The following SBF2 variants were observed in gnomAD, a reference collection of about 807,000 sequenced individuals.
SBF2 encodes myotubularin-related protein 13.
Under a neutral mutation model 225.2 loss-of-function variants are expected in SBF2, and 112 were observed. That is an observed-to-expected ratio of 0.50 (90% CI 0.43 to 0.58). The LOEUF (loss-of-function observed/expected upper bound fraction) is 0.58, where lower values mean the gene tolerates loss of function less well. SBF2 is among the 20% of genes least tolerant of loss of function. The pLI is 0.00. For synonymous variants in SBF2, 763 were observed against 773.3 expected, an observed-to-expected ratio of 0.99 and a Z score of 0.22; for missense variants, 1,996 against 2,206.2, an observed-to-expected ratio of 0.90 and a Z score of 1.91.
chr11:9,930,472 G>T (rs1565019366), intron 16 of SBF2, among the ~76,000 whole-genome samples: 1 of 152,216 alleles, frequency 6.6e-6, no homozygotes, highest in Non-Finnish European at 1.5e-5. Context: ...TAGAGGCAGG[G>T]TGTTGAGAAG....
At chr11:10,022,455 A>G (rs1267309180) in intron 6 of SBF2, among the ~76,000 whole-genome samples, 1 of 152,158 alleles carries the variant, frequency 6.6e-6, no homozygotes, top group East Asian at 1.9e-4. Context: ...AGTTAAAAAA[A>G]TCTTTTTATT....
chr11:10,127,325 T>C (rs1427031122), intron 2 of SBF2, among the ~76,000 whole-genome samples: 1 of 152,150 alleles, frequency 6.6e-6, no homozygotes, highest in Non-Finnish European at 1.5e-5. Context: ...ACTGACAAAG[T>C]GTCTGGCTCT....
chr11:9,785,082 G>T, intron 37 of SBF2, 43 bp downstream of exon 37: 1 of 1,580,650 alleles, frequency 6.3e-7, no homozygotes, highest in African/African-American at 1.3e-5. Context: ...CTCAGGTGCT[G>T]TGGGGAAGTC....
chr11:10,246,649 CAT>C (rs1959824877), intron 1 of SBF2, among the ~76,000 whole-genome samples: 1 of 152,178 alleles, frequency 6.6e-6, no homozygotes, highest in Non-Finnish European at 1.5e-5. Context: ...AAAAGACAAG[CAT>C]ATGTCAATAA....
At chr11:9,821,557 T>G (rs1057223659) in intron 28 of SBF2, among the ~76,000 whole-genome samples, 13 of 152,204 alleles carry the variant, frequency 8.5e-5, no homozygotes, top group African/African-American at 2.9e-4. Context: ...GAGGTCTACT[T>G]AGATTTCCTG....
intron 2 of SBF2, among the ~76,000 whole-genome samples, chr11:10,160,869 G>A (rs1341700128): frequency 2.6e-5 from 4 of 151,910 alleles, no homozygotes; most frequent in African/African-American, 4.8e-5. Context: ...AAAACTACAC[G>A]TGTACCACTT....
Position 9,989,489 on chromosome 11 carries a change from T to C in SBF2, c.1395+8A>G, listed in dbSNP as rs561123930. ...TTAATGACTGTCTAAATAAATATACTTACTTACATTTTTGAATAGTTGCTC... is the reference window on the plus strand; with the variant it reads ...TTAATGACTGTCTAAATAAATATACCTACTTACATTTTTGAATAGTTGCTC... On this transcript the variant is annotated splice_region_variant and intron_variant, in intron 13 of 39. Transcript: ENST00000256190. 23 of 1,482,038 alleles carry C rather than the reference T, an allele frequency of 1.6e-5. No homozygotes were observed. In the South Asian group the frequency reaches 2.5e-4, roughly 16 times the overall value. The allele number at this position is 1,482,038 out of a possible 1,614,324, so 91.8% of individuals were successfully genotyped here.
At chr11:10,218,152 G>A (rs923252619) in intron 1 of SBF2, among the ~76,000 whole-genome samples, 19 of 151,980 alleles carry the variant, frequency 1.3e-4, no homozygotes, top group Non-Finnish European at 1.8e-4. Flanking sequence ...CACCTGCCTC[G>A]GCCTCCCAAA....
intron 2 of SBF2, among the ~76,000 whole-genome samples, chr11:10,067,298 A>G (rs1211701709): frequency 6.6e-6 from 1 of 152,240 alleles, no homozygotes; most frequent in Non-Finnish European, 1.5e-5. Flanking sequence ...AAGTCAATCT[A>G]TGTTTGAATA....
intron 2 of SBF2, among the ~76,000 whole-genome samples, chr11:10,142,652 C>T (rs1954699152): frequency 6.6e-6 from 1 of 152,000 alleles, no homozygotes; most frequent in South Asian, 2.1e-4. Flanking sequence ...TTAGCACTTC[C>T]CCACAAACCA....
intron 1 of SBF2, among the ~76,000 whole-genome samples, chr11:10,203,449 G>A (rs571903677): frequency 5.9e-5 from 9 of 152,264 alleles, no homozygotes; most frequent in African/African-American, 9.6e-5. Context: ...GCTGGGAAAC[G>A]AGCCTCAAAA....
In SBF2 at chr11:10,133,596, C is replaced by T. The variant is rs1178659792; in HGVS notation, c.141+60306G>A. ...GGCCAGCAGGGCTGCCTGGCTGCTC[C>T]GAGTGCGGGGCCCACCAAGCCCACG... On this transcript the variant is annotated intron_variant, in intron 2 of 39. Transcript: ENST00000256190. 2.1e-5 allele frequency among the ~76,000 whole-genome samples: 3 copies of T among 141,672 alleles called. 1 individual carries two copies. The highest frequency in any genetic ancestry group is 7.5e-5 in the African/African-American group (3 of 39,972). The allele number at this position is 141,672 out of a possible 152,430, so 92.9% of individuals were successfully genotyped here.
intron 32 of SBF2, among the ~76,000 whole-genome samples, chr11:9,804,610 C>T (rs559749002): frequency 6.6e-6 from 1 of 152,282 alleles, no homozygotes; most frequent in Non-Finnish European, 1.5e-5. Context: ...TGATCCCCTC[C>T]CTTGGTCACT....
At chr11:10,070,729 G>A (rs767978404) in intron 2 of SBF2, among the ~76,000 whole-genome samples, 8 of 152,172 alleles carry the variant, frequency 5.3e-5, no homozygotes, top group Non-Finnish European at 8.8e-5. Flanking sequence ...GGATGGAATT[G>A]AATCTATAGA....
intron 17 of SBF2, among the ~76,000 whole-genome samples, chr11:9,890,940 C>A (rs1860752082): frequency 6.6e-6 from 1 of 152,054 alleles, no homozygotes; most frequent in Non-Finnish European, 1.5e-5. Context: ...TCAAGACCAG[C>A]CTGGCCAACG....
At chr11:9,904,301 A>G (rs979612970) in intron 16 of SBF2, among the ~76,000 whole-genome samples, 2 of 152,210 alleles carry the variant, frequency 1.3e-5, no homozygotes, top group African/African-American at 4.8e-5. Flanking sequence ...GGGTAGCTAT[A>G]TTAATAATCA....
chr11:9,782,001 A>G (rs1014741176), intron 38 of SBF2, among the ~76,000 whole-genome samples: 2 of 152,118 alleles, frequency 1.3e-5, no homozygotes, highest in African/African-American at 4.8e-5. Context: ...CCTGGGCAAC[A>G]TGGTGAAACC....
chr11:10,036,420 AT>A (rs767410983), intron 3 of SBF2, among the ~76,000 whole-genome samples: 72 of 152,332 alleles, frequency 4.7e-4, no homozygotes, highest in Non-Finnish European at 7.9e-4. Flanking sequence ...CTTAAAAAAA[AT>A]AAAAGTATAC....
At chr11:10,267,936 C>CT (rs2135529166) in intron 1 of SBF2, among the ~76,000 whole-genome samples, 1 of 152,240 alleles carries the variant, frequency 6.6e-6, no homozygotes, top group South Asian at 2.1e-4. Flanking sequence ...AAAAAAATGA[C>CT]TTTTATTAAC....
Sources: gnomAD v4.1 joint callset for allele counts (sites outside exome capture counted in the v4.1 genomes callset) on GRCh38, gnomAD v4.1.1 for gene constraint, MANE v1.5 for transcripts, NCBI Gene and HGNC (gene_info 2026-07-23, HGNC 2026-07-21) for gene names.